DAGLB: variants seen among roughly 807,000 people sequenced by gnomAD.
DAGLB encodes diacylglycerol lipase beta.
DAGLB carries 66 observed loss-of-function variants against 72.1 expected under a neutral mutation model. The ratio of observed to expected loss-of-function variants is 0.92; its 90% CI spans 0.75 to 1.12. The LOEUF (loss-of-function observed/expected upper bound fraction) is 1.12, where lower values mean the gene tolerates loss of function less well. Among genes scored for constraint, DAGLB ranks in the 50% most tolerant of loss-of-function variants. The pLI is 0.00. For missense variants in DAGLB, 1,065 were observed against 884.9 expected (o/e 1.20, Z -2.58); for synonymous variants, 414 against 359.5 (o/e 1.15, Z -1.71).
chr7:6,410,343 A>G lies in DAGLB; in HGVS notation c.1607T>C (p.Phe536Ser). The change falls in exon 14 of 15, where the codon TTT (phenylalanine) becomes TCT (serine). Residue 536 changes from phenylalanine to serine, a missense_variant. Transcript: ENST00000297056. ...GGGCAAGTTGTTGGGGTTTCCTCCAAACAGTTCGTACCACAAACCGTGCAG... is the reference window on the plus strand; with the variant it reads ...GGGCAAGTTGTTGGGGTTTCCTCCAGACAGTTCGTACCACAAACCGTGCAG... ...ILLHGLWYEL[F>S]GGNPNNLPTE... is the part of the protein sequence containing the mutation. 6.2e-7 allele frequency: 1 copy of G among 1,613,898 alleles called. No homozygotes were observed. The highest frequency in any genetic ancestry group is 8.5e-7 in the Non-Finnish European group (1 of 1,179,920).
At chr7:6,421,883 G>T in intron 8 of DAGLB, 79 bp from the exon 9 acceptor site, 1 of 1,479,808 alleles carries the variant, frequency 6.8e-7, no homozygotes, top group South Asian at 1.1e-5. Flanking sequence ...CCCTGCTCCT[G>T]ACACTTCTGT....
intron 11 of DAGLB, among the ~76,000 whole-genome samples, chr7:6,414,487 A>G (rs1783838398): frequency 6.7e-6 from 1 of 149,768 alleles, no homozygotes; most frequent in South Asian, 2.1e-4. Context: ...TAATTTTTGT[A>G]AGGAACCGGG....
rs1486006690 is a variant in DAGLB, at chr7:6,444,092, C to A, written c.247+1861G>T. 2.6e-5 allele frequency among the ~76,000 whole-genome samples: 4 copies of A among 152,018 alleles called. No homozygotes were observed. In the East Asian group the frequency reaches 7.7e-4, roughly 29 times the overall value. ...GATCAGTCTAAGCTATATAGCAAGA[C>A]CCTGTCTCTACAAAAAATAAAAATA... On this transcript the variant is annotated intron_variant, in intron 2 of 14. Transcript: ENST00000297056.
Position 6,410,524 on chromosome 7 carries a change from G to A in DAGLB, c.1570-144C>T, listed in dbSNP as rs544743136. On this transcript the variant is annotated intron_variant, in intron 13 of 14. Transcript: ENST00000297056. ...GGAAGACTCCAGCAAAGATGCACCGGCGAGCTGTGCTGGGTGGCAGCCACC... is the reference window on the plus strand; with the variant it reads ...GGAAGACTCCAGCAAAGATGCACCGACGAGCTGTGCTGGGTGGCAGCCACC... The A allele has an allele frequency of 1.4e-5, 18 of 1,279,586 alleles. No individual in the cohort carries two copies. The East Asian group carries it at 4.1e-4, about 29-fold the overall frequency. 79.3% of individuals were successfully genotyped at this position (1,279,586 alleles called of 1,614,324 possible). A position where few individuals can be genotyped will look rare whatever the true frequency, so the allele number is the denominator to read the frequency against.
chr7:6,431,724 A>G (rs1302035668), intron 5 of DAGLB, among the ~76,000 whole-genome samples: 1 of 152,148 alleles, frequency 6.6e-6, no homozygotes, highest in Non-Finnish European at 1.5e-5. Context: ...GTGAGCCAAG[A>G]TCATGCCATT....
chr7:6,434,176 A>T (rs185830946), intron 4 of DAGLB, among the ~76,000 whole-genome samples: 5 of 152,140 alleles, frequency 3.3e-5, no homozygotes, highest in Admixed American at 3.3e-4. Context: ...ACCTCATCTC[A>T]GTATGGAATT....
chr7:6,411,655 G>C (rs1044204003), intron 13 of DAGLB, among the ~76,000 whole-genome samples: 1 of 152,066 alleles, frequency 6.6e-6, no homozygotes, highest in Non-Finnish European at 1.5e-5. Context: ...AATTGGTAAG[G>C]AGAAAAATTT....
rs1373533519 is a variant in DAGLB at position 6,414,621 on chromosome 7, T to C, written c.1428-1587A>G. 2.6e-5 allele frequency among the ~76,000 whole-genome samples: 4 copies of C among 152,070 alleles called. No homozygotes were observed. The East Asian group carries it at 7.7e-4, about 29-fold the overall frequency. ...CAGCCTCCTGATGTTTAAGTATCACTATACACTACAGTTACATTTTCTCTT... is the reference window on the plus strand; with the variant it reads ...CAGCCTCCTGATGTTTAAGTATCACCATACACTACAGTTACATTTTCTCTT... On this transcript the variant is annotated intron_variant, in intron 11 of 14. Coordinates refer to ENST00000297056, the MANE Select transcript of DAGLB (RefSeq NM_139179.4).
chr7:6,436,228 T>TA lies in DAGLB; in HGVS notation c.419+133dup, dbSNP rs1199686372. 5 of 1,142,138 alleles carry TA rather than the reference T, an allele frequency of 4.4e-6. No homozygotes were observed. In the East Asian group the frequency reaches 1.2e-4, roughly 28 times the overall value. 70.8% of individuals were successfully genotyped at this position (1,142,138 alleles called of 1,614,324 possible). ...ACAGTGTCTCTAAATTTTCATGAGT[T>TA]ACGCAGAAACTAACTCCAATTTCTA... On this transcript the variant is annotated intron_variant, in intron 3 of 14. Coordinates refer to ENST00000297056, the MANE Select transcript of DAGLB (RefSeq NM_139179.4).
intron 2 of DAGLB, among the ~76,000 whole-genome samples, chr7:6,441,947 T>A (rs1199845884): frequency 1.3e-5 from 2 of 151,918 alleles, no homozygotes; most frequent in Admixed American, 6.6e-5. Flanking sequence ...CAAGCCTCCA[T>A]CTCCTTGTGC....
intron 2 of DAGLB, among the ~76,000 whole-genome samples, chr7:6,438,713 TG>T (rs1352605461): frequency 3.9e-5 from 6 of 152,182 alleles, no homozygotes; most frequent in Non-Finnish European, 8.8e-5. Context: ...AATCAAGAGA[TG>T]GAGTTGCTCT....
intron 2 of DAGLB, 112 bp from the exon 3 acceptor site, chr7:6,436,645 C>T: frequency 7.5e-7 from 1 of 1,327,298 alleles, no homozygotes; most frequent in Non-Finnish European, 1.0e-6. Flanking sequence ...TGCACACCCG[C>T]CTCCTGACTT....
chr7:6,440,901 A>G (rs150441791), intron 2 of DAGLB, among the ~76,000 whole-genome samples: 1 of 151,508 alleles, frequency 6.6e-6, no homozygotes, highest in East Asian at 1.9e-4. Context: ...AATCATTTAT[A>G]TTTCCTTTAC....
In DAGLB at chr7:6,434,964, C is replaced by G; in HGVS notation, c.476G>C (p.Gly159Ala). The G allele has an allele frequency of 1.2e-6, 2 of 1,614,048 alleles. No homozygotes were observed. The highest frequency in any genetic ancestry group is 1.7e-6 in the Non-Finnish European group (2 of 1,180,010). ...AGAGGAATATGGAGCCATTTTCCCCCCAAGAGGGTCAAAGACAATGATAAT... is the reference window on the plus strand; with the variant it reads ...AGAGGAATATGGAGCCATTTTCCCCGCAAGAGGGTCAAAGACAATGATAAT... ...VSIIIVFDPLGGKMAPYSSAG... is the reference protein window; with the variant it reads ...VSIIIVFDPLAGKMAPYSSAG... Residue 159 changes from glycine (G) to alanine (A), a missense_variant, in exon 4 of 15, where the codon GGG becomes GCG. Physicochemically the swap from Gly to Ala is moderately conservative, Grantham distance 60. Coordinates refer to ENST00000297056, the MANE Select transcript of DAGLB (RefSeq NM_139179.4).
chr7:6,436,100 A>G (rs748925503), intron 3 of DAGLB, among the ~76,000 whole-genome samples: 9 of 152,074 alleles, frequency 5.9e-5, no homozygotes, highest in Non-Finnish European at 1.3e-4. Flanking sequence ...AAAAAAAAAA[A>G]AGAGAGAGAG....
At chr7:6,435,888 C>A (rs971202216) in intron 3 of DAGLB, among the ~76,000 whole-genome samples, 6 of 152,032 alleles carry the variant, frequency 3.9e-5, no homozygotes, top group Non-Finnish European at 7.4e-5. Context: ...GTTAAGGGGG[C>A]GGGACTGGAT....
intron 5 of DAGLB, among the ~76,000 whole-genome samples, chr7:6,431,935 T>C (rs937553597): frequency 1.3e-5 from 2 of 152,192 alleles, no homozygotes; most frequent in African/African-American, 4.8e-5. Flanking sequence ...ATGAAACTGC[T>C]GTAGGGTCCT....
rs1783781972 is a variant in DAGLB, at chr7:6,412,990, A to T, written c.1472T>A (p.Val491Asp). Residue 491 changes from valine (V) to aspartate (D), a missense_variant, in exon 12 of 15, where the codon GTC (valine) becomes GAC (aspartate). Transcript: ENST00000297056. ...CCTGGGAATCACATCCTTCCCCAGG[A>T]CGAGTGACACGATGAAGCTCTGAGA... ...EYSQSFIVSL[V>D]LGKDVIPRLS... is the part of the protein sequence containing the mutation. The T allele has an allele frequency of 6.2e-7, 1 of 1,613,880 alleles. No homozygotes were observed. The highest frequency in any genetic ancestry group is 8.5e-7 in the Non-Finnish European group (1 of 1,179,954).
chr7:6,415,022 G>A (rs1783856692), intron 11 of DAGLB, among the ~76,000 whole-genome samples: 1 of 152,090 alleles, frequency 6.6e-6, no homozygotes, highest in Non-Finnish European at 1.5e-5. Context: ...TTAGCTGGAT[G>A]TGGTGGTGTG....
Sources: gnomAD v4.1 joint callset for allele counts (sites outside exome capture counted in the v4.1 genomes callset) on GRCh38, gnomAD v4.1.1 for gene constraint, MANE v1.5 for transcripts, NCBI Gene and HGNC (gene_info 2026-07-23, HGNC 2026-07-21) for gene names.